Variants in SEMA3C observed in about 807,000 individuals in gnomAD.
SEMA3C encodes the protein semaphorin 3C.
SEMA3C carries 47 observed loss-of-function variants against 89.4 expected under a neutral mutation model. The observed-to-expected ratio is 0.53, with a 90% confidence interval of 0.42 to 0.67. The LOEUF (loss-of-function observed/expected upper bound fraction) is 0.67, where lower values mean the gene tolerates loss of function less well. Ranked by LOEUF, SEMA3C falls within the 30% of genes least tolerant of loss-of-function variation. SEMA3C has a pLI of 0.00. For missense variants in SEMA3C, 839 were observed against 929.1 expected, an observed-to-expected ratio of 0.90 and a Z score of 1.26; for synonymous variants, 310 against 320.2, an observed-to-expected ratio of 0.97 and a Z score of 0.34.
chr7:80,798,821 A>C (rs1789128592), intron 10 of SEMA3C, among the ~76,000 whole-genome samples: 1 of 152,230 alleles, frequency 6.6e-6, no homozygotes, highest in Non-Finnish European at 1.5e-5. Context: ...ATGACACCTC[A>C]TAAAATTTGT....
At chr7:80,866,292 G>A (rs1237323037) in intron 2 of SEMA3C, among the ~76,000 whole-genome samples, 4 of 151,790 alleles carry the variant, frequency 2.6e-5, no homozygotes, top group African/African-American at 9.7e-5. Context: ...TCTTCTGAGG[G>A]GTCCAGTGTC....
At chr7:80,800,951 A>G (rs575793737) in intron 9 of SEMA3C, 125 bp from the exon 10 acceptor site, 7 of 481,886 alleles carry the variant, frequency 1.5e-5, no homozygotes, top group Non-Finnish European at 2.2e-5. Flanking sequence ...CTGTACCATT[A>G]TGGTAATTTG....
chr7:80,789,283 A>T, intron 12 of SEMA3C, 23 bp downstream of exon 12: 4 of 1,587,746 alleles, frequency 2.5e-6, no homozygotes, highest in Non-Finnish European at 3.5e-6. Context: ...ACATTAAAGC[A>T]TATCTTGGGC....
chr7:80,905,220 G>C (rs1791978067), intron 2 of SEMA3C, among the ~76,000 whole-genome samples: 1 of 127,060 alleles, frequency 7.9e-6, no homozygotes, highest in Non-Finnish European at 1.6e-5. Context: ...GGTAGGGAGA[G>C]ACAGGGAGAG....
intron 2 of SEMA3C, among the ~76,000 whole-genome samples, chr7:80,907,045 T>C (rs1484329119): frequency 1.3e-5 from 2 of 152,206 alleles, no homozygotes; most frequent in Non-Finnish European, 2.9e-5. Flanking sequence ...GCATAGTTCA[T>C]ATTCATTATC....
At chr7:80,847,582 G>T (rs1790419301) in intron 2 of SEMA3C, among the ~76,000 whole-genome samples, 1 of 151,534 alleles carries the variant, frequency 6.6e-6, no homozygotes, top group South Asian at 2.1e-4. Flanking sequence ...CATTGAGTAG[G>T]TTTTTTTTTC....
rs547307328 is a variant in SEMA3C, at chr7:80,880,786, G to A, written c.103+35893C>T. ...CTAAAAACACAAAAATTAGCCGGGC[G>A]TGCTGACAGGTGCCTGTAGTCCCAG... On this transcript the variant is annotated intron_variant, in intron 2 of 17. Coordinates refer to ENST00000265361, the MANE Select transcript of SEMA3C (RefSeq NM_006379.5). Among the ~76,000 whole-genome samples, 26 of 152,088 alleles carry A rather than the reference G, an allele frequency of 1.7e-4. No individual in the cohort carries two copies. In the South Asian group the frequency reaches 5.0e-3, roughly 29 times the overall value.
At chr7:80,860,012 G>A (rs1294402028) in intron 2 of SEMA3C, among the ~76,000 whole-genome samples, 2 of 151,770 alleles carry the variant, frequency 1.3e-5, no homozygotes, top group African/African-American at 4.8e-5. Flanking sequence ...TTAATAATAG[G>A]CATAAAATAT....
chr7:80,809,835 C>T (rs989240961), intron 6 of SEMA3C, among the ~76,000 whole-genome samples: 1 of 151,960 alleles, frequency 6.6e-6, no homozygotes, highest in Non-Finnish European at 1.5e-5. Flanking sequence ...GGACATTACA[C>T]TAAGGGAAAT....
At chr7:80,906,896 G>A (rs957458795) in intron 2 of SEMA3C, among the ~76,000 whole-genome samples, 1 of 152,064 alleles carries the variant, frequency 6.6e-6, no homozygotes, top group Non-Finnish European at 1.5e-5. Context: ...AAAGCTTACT[G>A]AATGCTTTTT....
At chr7:80,905,809 G>T in intron 2 of SEMA3C, 2 of 1,242,946 alleles carry the variant, frequency 1.6e-6, no homozygotes, top group South Asian at 1.2e-5. Context: ...ATATTTACAT[G>T]GTTGGCTTAT....
At chr7:80,873,780 G>A (rs926538214) in intron 2 of SEMA3C, among the ~76,000 whole-genome samples, 5 of 152,158 alleles carry the variant, frequency 3.3e-5, no homozygotes, top group African/African-American at 1.2e-4. Flanking sequence ...GCAAGGGAGT[G>A]ATACTCTCAT....
At chr7:80,866,537 G>A (rs765560719) in intron 2 of SEMA3C, among the ~76,000 whole-genome samples, 1 of 152,004 alleles carries the variant, frequency 6.6e-6, no homozygotes, top group East Asian at 1.9e-4. Flanking sequence ...CTTGGTTAAG[G>A]CATGATTTCT....
At chr7:80,777,437 G>A (rs1788576612) in intron 12 of SEMA3C, among the ~76,000 whole-genome samples, 1 of 152,092 alleles carries the variant, frequency 6.6e-6, no homozygotes, top group African/African-American at 2.4e-5. Flanking sequence ...AATTACAGAT[G>A]CGTGCCACCA....
chr7:80,886,244 T>C (rs955540640), intron 2 of SEMA3C, among the ~76,000 whole-genome samples: 1 of 152,158 alleles, frequency 6.6e-6, no homozygotes, highest in African/African-American at 2.4e-5. Context: ...GCTAATGTGG[T>C]TATGACATGG....
In SEMA3C at chr7:80,804,186, A is replaced by G; in HGVS notation, c.721T>C (p.Tyr241His). Reference sequence around the variant, plus strand: ...GTCAGTTTTTCTTTGAAGAAGAAGTACACCTTAGCATCATTTGGATCAGTA... The same window carrying G: ...GTCAGTTTTTCTTTGAAGAAGAAGTGCACCTTAGCATCATTTGGATCAGTA... ...DGTDPNDAKV[Y>H]FFFKEKLTDN... is the part of the protein sequence containing the mutation. The change falls in exon 8 of 18, where the codon TAC (tyrosine) becomes CAC (histidine). Residue 241 changes from tyrosine to histidine, a missense_variant. Tyr to His is a moderately conservative substitution (Grantham distance 83). Coordinates refer to ENST00000265361, the MANE Select transcript of SEMA3C (RefSeq NM_006379.5). 1 of 1,613,012 alleles carries G rather than the reference A, an allele frequency of 6.2e-7. No individual in the cohort carries two copies. Among genetic ancestry groups the G allele is most frequent in the Non-Finnish European group, 8.5e-7 (1 of 1,179,262 alleles).
intron 2 of SEMA3C, among the ~76,000 whole-genome samples, chr7:80,864,115 T>C (rs1031400037): frequency 1.4e-4 from 21 of 152,020 alleles, no homozygotes; most frequent in Admixed American, 1.4e-3. Context: ...GACTGGAGAC[T>C]ACTATTCTAA....
At chr7:80,852,575 C>T (rs937791945) in intron 2 of SEMA3C, among the ~76,000 whole-genome samples, 1 of 151,722 alleles carries the variant, frequency 6.6e-6, no homozygotes, top group African/African-American at 2.4e-5. Flanking sequence ...GCAGACTATA[C>T]ACATAATAAA....
intron 15 of SEMA3C, among the ~76,000 whole-genome samples, chr7:80,752,518 G>A (rs1787958865): frequency 6.6e-6 from 1 of 151,540 alleles, no homozygotes; most frequent in African/African-American, 2.4e-5. Flanking sequence ...AGGATGCTGA[G>A]GCAGGAGAAT....
Sources: gnomAD v4.1 joint callset for allele counts (sites outside exome capture counted in the v4.1 genomes callset) on GRCh38, gnomAD v4.1.1 for gene constraint, MANE v1.5 for transcripts, NCBI Gene and HGNC (gene_info 2026-07-23, HGNC 2026-07-21) for gene names.